SHANK2: variants seen among roughly 807,000 people sequenced by gnomAD.
SHANK2 encodes the protein SH3 and multiple ankyrin repeat domains 2.
A neutral mutation model predicts 133.7 loss-of-function variants in SHANK2; 43 were observed. That is an observed-to-expected ratio of 0.32 (90% CI 0.25 to 0.41). The LOEUF is 0.41. Among genes scored for constraint, SHANK2 ranks in the 10% least tolerant of loss-of-function variants. SHANK2 has a pLI of 1.00. For missense variants in SHANK2, 1,994 were observed against 2,235.8 expected (o/e 0.89, Z 2.18); for synonymous variants, 1,017 against 952.8 (o/e 1.07, Z -1.24).
intron 17 of SHANK2, among the ~76,000 whole-genome samples, chr11:70,615,089 T>A (rs1295650422): frequency 1.3e-5 from 2 of 152,214 alleles, no homozygotes; most frequent in African/African-American, 2.4e-5. Flanking sequence ...ATGGAAGACA[T>A]CTTCCGATGG....
chr11:70,813,056 G>A (rs1948312082), intron 12 of SHANK2, among the ~76,000 whole-genome samples: 1 of 152,086 alleles, frequency 6.6e-6, no homozygotes, highest in South Asian at 2.1e-4. Flanking sequence ...AGTACTCTGC[G>A]GGTGGGCTGT....
intron 12 of SHANK2, among the ~76,000 whole-genome samples, chr11:70,814,916 G>A (rs985313705): frequency 1.1e-4 from 16 of 151,098 alleles, no homozygotes; most frequent in African/African-American, 2.7e-4. Context: ...TTCTGAACCC[G>A]GGAAGGCCAA....
Position 70,469,745 on chromosome 11 carries a change from A to C in SHANK2, c.*3124T>G, listed in dbSNP as rs1301124301. 6.6e-6 allele frequency: 1 copy of C among 152,664 alleles called. No homozygotes were observed. Among genetic ancestry groups the C allele is most frequent in the African/African-American group, 2.4e-5 (1 of 41,460 alleles). The allele number at this position is 152,664 out of a possible 1,614,324, so 9.5% of individuals were successfully genotyped here. A position where few individuals can be genotyped will look rare whatever the true frequency, so the allele number is the denominator to read the frequency against. On this transcript the variant is annotated 3_prime_UTR_variant, in exon 26 of 26. Transcript: ENST00000601538. ...TTGCTTGTTCAATAACTGAGAAAAA[A>C]ATTTACCATTTTATTAACTAAAGTA...
intron 11 of SHANK2, among the ~76,000 whole-genome samples, chr11:70,849,953 T>A (rs1386327848): frequency 6.6e-6 from 1 of 152,194 alleles, no homozygotes; most frequent in East Asian, 1.9e-4. Flanking sequence ...CAGAACTTTT[T>A]CATCTTCCCA....
chr11:70,758,433 G>T (rs1946920222), intron 14 of SHANK2, among the ~76,000 whole-genome samples: 1 of 152,190 alleles, frequency 6.6e-6, no homozygotes, highest in South Asian at 2.1e-4. Context: ...CCGATCCAGC[G>T]AGGCGGCGCC....
chr11:70,564,261 CT>C (rs782470967), intron 17 of SHANK2, among the ~76,000 whole-genome samples: 150 of 151,368 alleles, frequency 9.9e-4, no homozygotes, highest in African/African-American at 2.9e-3. Flanking sequence ...CTTTTCTTTT[CT>C]TTTTTTTTTT....
rs1555148070 is a variant in SHANK2, at chr11:70,469,937, C to T, written c.*2932G>A. ...TTGAGAGATTTGGGTTTTGTATACACAATATTACAGAAACTAGGCATGTAA... is the reference window on the plus strand; with the variant it reads ...TTGAGAGATTTGGGTTTTGTATACATAATATTACAGAAACTAGGCATGTAA... On this transcript the variant is annotated 3_prime_UTR_variant, in exon 26 of 26. Transcript: ENST00000601538. 3 of 152,472 alleles carry T rather than the reference C, an allele frequency of 2.0e-5. No individual in the cohort carries two copies. The highest frequency in any genetic ancestry group is 7.2e-5 in the African/African-American group (3 of 41,400). 9.4% of individuals were successfully genotyped at this position (152,472 alleles called of 1,614,324 possible). A position where few individuals can be genotyped will look rare whatever the true frequency, so the allele number is the denominator to read the frequency against.
At chr11:71,086,151 ATAATATATTAAATTATATAATATAT>A (rs1951407040) in intron 8 of SHANK2, among the ~76,000 whole-genome samples, 146 of 12,998 alleles carry the variant, frequency 0.011, 13 homozygotes, top group African/African-American at 0.022. Flanking sequence ...ATTATGTTAT[ATAATATATTAAATTATATAATATAT>A]TATGTTATAT....
intron 6 of SHANK2, among the ~76,000 whole-genome samples, chr11:71,098,909 G>A (rs1448618552): frequency 3.3e-5 from 5 of 152,082 alleles, no homozygotes; most frequent in African/African-American, 7.2e-5. Flanking sequence ...ACAGAAAAAC[G>A]GGACCATCTC....
chr11:70,763,387 G>A (rs576047103), intron 14 of SHANK2, among the ~76,000 whole-genome samples: 80 of 152,248 alleles, frequency 5.3e-4, no homozygotes, highest in Admixed American at 8.5e-4. Flanking sequence ...GAGCTGCTCC[G>A]GGATAACTGT....
At chr11:70,799,539 C>G (rs782573985) in intron 13 of SHANK2, among the ~76,000 whole-genome samples, 15 of 152,234 alleles carry the variant, frequency 9.9e-5, no homozygotes, top group Non-Finnish European at 1.5e-4. Context: ...ACAGTCAGCA[C>G]CAGCCCCTTG....
chr11:71,104,086 A>G (rs1338469325), intron 6 of SHANK2, among the ~76,000 whole-genome samples: 2 of 152,036 alleles, frequency 1.3e-5, no homozygotes, highest in Non-Finnish European at 2.9e-5. Flanking sequence ...TTTTCTTTAT[A>G]AACTACCCAG....
intron 2 of SHANK2, among the ~76,000 whole-genome samples, chr11:71,155,207 A>C (rs113925020): frequency 4.1e-4 from 26 of 63,576 alleles, no homozygotes; most frequent in Admixed American, 3.1e-3. Flanking sequence ...CCCCAGCCCA[A>C]GCTCCCAGAG....
intron 11 of SHANK2, chr11:70,862,957 C>T (rs1039897576): frequency 6.1e-5 from 17 of 280,194 alleles, no homozygotes; most frequent in African/African-American, 2.2e-4. Flanking sequence ...GGAGACAAGC[C>T]GCCTTACCTC....
At chr11:70,769,685 TG>T (rs1331336676) in intron 14 of SHANK2, among the ~76,000 whole-genome samples, 6 of 152,340 alleles carry the variant, frequency 3.9e-5, no homozygotes, top group African/African-American at 1.4e-4. Flanking sequence ...ATGTGCAGCA[TG>T]TGTGTAGTAT....
chr11:70,602,178 A>G lies in SHANK2; in HGVS notation c.2061+57650T>C, dbSNP rs147110699. Reference sequence around the variant, plus strand: ...ACTGCCTACTCCCATTTCACCTTCCACCATGAGTAAAAGCTCCCTGAGCCC... The same window carrying G: ...ACTGCCTACTCCCATTTCACCTTCCGCCATGAGTAAAAGCTCCCTGAGCCC... On this transcript the variant is annotated intron_variant, in intron 17 of 25. Transcript: ENST00000601538. 3.5e-3 allele frequency among the ~76,000 whole-genome samples: 533 copies of G among 152,250 alleles called. 4 individuals carry two copies. The highest frequency in any genetic ancestry group is 0.012 in the African/African-American group (505 of 41,528).
intron 6 of SHANK2, among the ~76,000 whole-genome samples, chr11:71,107,738 T>C (rs1188556447): frequency 6.6e-6 from 1 of 152,180 alleles, no homozygotes; most frequent in African/African-American, 2.4e-5. Flanking sequence ...TCTGCACTGA[T>C]GTGTTTTTAG....
chr11:70,792,505 G>A lies in SHANK2; in HGVS notation c.1777+5938C>T, dbSNP rs368733827. On this transcript the variant is annotated intron_variant, in intron 14 of 25. Transcript: ENST00000601538. ...CCCCAACCTCCAGCAACTGTCATGA[G>A]GCTATGAGAATTCACTGGGTCCTGA... Among the ~76,000 whole-genome samples the A allele has an allele frequency of 8.0e-4, 122 of 152,336 alleles. 1 individual carries two copies. Among genetic ancestry groups the A allele is most frequent in the Non-Finnish European group, 1.6e-3 (111 of 68,034 alleles).
At chr11:70,774,421 G>A (rs1947319546) in intron 14 of SHANK2, among the ~76,000 whole-genome samples, 1 of 152,018 alleles carries the variant, frequency 6.6e-6, no homozygotes, top group African/African-American at 2.4e-5. Context: ...CCAGGTTCAA[G>A]CAATTCTCCT....
Sources: allele counts gnomAD v4.1 joint callset (sites outside exome capture counted in the v4.1 genomes callset), GRCh38; gene constraint gnomAD v4.1.1; transcripts MANE v1.5; gene names NCBI Gene and HGNC (gene_info 2026-07-23, HGNC 2026-07-21).